The following NTM variants were observed in gnomAD, a reference collection of about 807,000 sequenced individuals.
NTM encodes the protein IgLON family member 2.
NTM carries 13 observed loss-of-function variants against 42.1 expected under a neutral mutation model. That is an observed-to-expected ratio of 0.31 (90% CI 0.20 to 0.49). NTM has a LOEUF of 0.49. Among genes scored for constraint, NTM ranks in the 20% least tolerant of loss-of-function variants. The pLI is 0.99. For missense variants in NTM, 373 were observed against 452.8 expected, an observed-to-expected ratio of 0.82 and a Z score of 1.60; for synonymous variants, 187 against 179.2, an observed-to-expected ratio of 1.04 and a Z score of -0.35.
intron 1 of NTM, chr11:131,660,954 C>A: frequency 1.5e-6 from 2 of 1,304,008 alleles, no homozygotes; most frequent in Non-Finnish European, 2.0e-6. Context: ...TTCTGCTCAT[C>A]CCCAAGGCAA....
At chr11:131,831,213 T>C (rs1215961770) in intron 1 of NTM, among the ~76,000 whole-genome samples, 1 of 152,126 alleles carries the variant, frequency 6.6e-6, no homozygotes, top group Non-Finnish European at 1.5e-5. Flanking sequence ...ACTTTTAAAA[T>C]TAATAATAGT....
intron 1 of NTM, among the ~76,000 whole-genome samples, chr11:131,673,135 G>A (rs576138924): frequency 2.2e-4 from 33 of 152,264 alleles, no homozygotes; most frequent in African/African-American, 7.9e-4. Context: ...GAGGGCAGGA[G>A]GGTCAGAAAA....
chr11:131,622,883 A>G (rs994959263), intron 1 of NTM, among the ~76,000 whole-genome samples: 1 of 152,138 alleles, frequency 6.6e-6, no homozygotes, highest in African/African-American at 2.4e-5. Context: ...ATGATTTTGC[A>G]TTTGTCACTA....
chr11:131,416,694 A>G (rs1464674366), intron 1 of NTM, among the ~76,000 whole-genome samples: 1 of 152,212 alleles, frequency 6.6e-6, no homozygotes, highest in Non-Finnish European at 1.5e-5. Flanking sequence ...GTCTTACCAT[A>G]AGATTTTCCA....
intron 7 of NTM, among the ~76,000 whole-genome samples, chr11:132,318,577 AGAGT>A (rs2095488712): frequency 6.6e-6 from 1 of 152,178 alleles, no homozygotes; most frequent in African/African-American, 2.4e-5. Flanking sequence ...TCACTAGCCT[AGAGT>A]GAGTGACTCA....
chr11:131,697,440 T>C (rs2075590402), intron 1 of NTM, among the ~76,000 whole-genome samples: 1 of 152,246 alleles, frequency 6.6e-6, no homozygotes, highest in African/African-American at 2.4e-5. Context: ...GGAAAATTGT[T>C]GGCCCTCCAT....
At chr11:131,718,435 T>G (rs1156467568) in intron 1 of NTM, among the ~76,000 whole-genome samples, 1 of 152,118 alleles carries the variant, frequency 6.6e-6, no homozygotes, top group Non-Finnish European at 1.5e-5. Flanking sequence ...CAATGTTTAC[T>G]GTCTGGCCCC....
At chr11:131,803,767 G>A (rs73595155) in intron 1 of NTM, among the ~76,000 whole-genome samples, 6,235 of 152,266 alleles carry the variant, frequency 0.041, 445 homozygotes, top group African/African-American at 0.14. Context: ...GAACCTGGCT[G>A]CCTGGCCTCT....
chr11:132,297,337 G>T (rs189662745), intron 4 of NTM, among the ~76,000 whole-genome samples: 70 of 152,284 alleles, frequency 4.6e-4, no homozygotes, highest in African/African-American at 1.6e-3. Flanking sequence ...ACTAATAAAT[G>T]GGATTCTTCA....
intron 1 of NTM, among the ~76,000 whole-genome samples, chr11:131,470,160 TTAC>T (rs1451241350): frequency 6.6e-6 from 1 of 152,196 alleles, no homozygotes; most frequent in Non-Finnish European, 1.5e-5. Context: ...CAGGACATGG[TTAC>T]TTTCTCTGTT....
At position 132,335,322 on chromosome 11, in the gene NTM, AGTTTT is replaced by A; in HGVS notation, c.*177_*181del. 1.5e-6 allele frequency: 1 copy of A among 685,074 alleles called. No individual in the cohort carries two copies. The allele number at this position is 685,074 out of a possible 1,614,324, so 42.4% of individuals were successfully genotyped here. ...ACAAAGAATACTTTGGGGGGAAAAA[AGTTTT>A]AAAAAAGAAATTGAAAATTGCCTTG... is the stretch of plus-strand genomic sequence containing the variant. On this transcript the variant is annotated 3_prime_UTR_variant, in exon 9 of 9. Coordinates refer to ENST00000683400, the MANE Select transcript of NTM (RefSeq NM_001352005.2).
chr11:131,582,837 G>T (rs1011791162), intron 1 of NTM, among the ~76,000 whole-genome samples: 10 of 152,278 alleles, frequency 6.6e-5, no homozygotes, highest in South Asian at 2.1e-4. Flanking sequence ...CTGGCGTTTG[G>T]GGTAATGCCA....
intron 1 of NTM, among the ~76,000 whole-genome samples, chr11:131,451,364 A>G (rs1950474782): frequency 6.6e-6 from 1 of 152,244 alleles, no homozygotes; most frequent in Non-Finnish European, 1.5e-5. Flanking sequence ...AGATAATTAG[A>G]AAAGAAGACA....
chr11:132,146,391 A>T lies in NTM; in HGVS notation c.277A>T (p.Asn93Tyr). 6.2e-7 allele frequency: 1 copy of T among 1,614,194 alleles called. No individual in the cohort carries two copies. The highest frequency in any genetic ancestry group is 8.5e-7 in the Non-Finnish European group (1 of 1,180,040). ...GGATCCTCGCGTGGTCCTTCTGAGC[A>T]ACACCCAAACGCAGTACAGCATCGA... ...CLDPRVVLLS[N>Y]TQTQYSIEIQ... Residue 93 changes from asparagine (N) to tyrosine (Y), a missense_variant, in exon 3 of 9, where the codon AAC (asparagine) becomes TAC (tyrosine). Physicochemically the swap from Asn to Tyr is moderately radical, Grantham distance 143. Coordinates refer to ENST00000683400, the MANE Select transcript of NTM (RefSeq NM_001352005.2). The surrounding 1 kb of genome is among the most constrained non-coding windows in gnomAD (Gnocchi z 4.5).
At chr11:132,330,112 G>A (rs1178988594) in intron 7 of NTM, 41 bp from the exon 8 acceptor site, 3 of 1,551,090 alleles carry the variant, frequency 1.9e-6, no homozygotes, top group Non-Finnish European at 2.6e-6. Context: ...ATCTCCGTCT[G>A]CTTTCGACCT....
At chr11:131,705,316 A>T (rs1270926333) in intron 1 of NTM, among the ~76,000 whole-genome samples, 1 of 152,150 alleles carries the variant, frequency 6.6e-6, no homozygotes, top group Non-Finnish European at 1.5e-5. Context: ...GAGAGAGGGG[A>T]TGATATATTC....
chr11:131,880,840 G>A (rs1267518101), intron 1 of NTM, among the ~76,000 whole-genome samples: 1 of 151,582 alleles, frequency 6.6e-6, no homozygotes, highest in Non-Finnish European at 1.5e-5. Flanking sequence ...GGGGTTAGCT[G>A]AATTCATGAT....
In NTM at chr11:131,984,590, G is replaced by A. The variant is rs537773906; in HGVS notation, c.167+72942G>A. 85 of 152,214 alleles carry A rather than the reference G, an allele frequency of 5.6e-4. 1 individual carries two copies. Among genetic ancestry groups the A allele is most frequent in the Middle Eastern group, 3.4e-3 (1 of 294 alleles). 9.4% of individuals were successfully genotyped at this position (152,214 alleles called of 1,614,324 possible). A position where few individuals can be genotyped will look rare whatever the true frequency, so the allele number is the denominator to read the frequency against. ...GTCATTGTGGAGTACGCCCTACTTG[G>A]GGGCTGAATGAATTATCTAGCCCAT... On this transcript the variant is annotated intron_variant, in intron 2 of 8. Transcript: ENST00000683400.
intron 1 of NTM, chr11:131,455,333 C>T (rs753436937): frequency 5.9e-5 from 9 of 152,234 alleles, no homozygotes. Flanking sequence ...TCTCTGAAGG[C>T]TGCAGCCCCA....
Sources: gnomAD v4.1 joint callset for allele counts (sites outside exome capture counted in the v4.1 genomes callset) on GRCh38, gnomAD v4.1.1 for gene constraint, Gnocchi (gnomAD v3.1) non-coding constraint, MANE v1.5 for transcripts, NCBI Gene and HGNC (gene_info 2026-07-23, HGNC 2026-07-21) for gene names.